EEPD1: variants seen among roughly 807,000 people sequenced by gnomAD.
EEPD1 encodes endonuclease/exonuclease/phosphatase family domain-containing protein 1.
In EEPD1, 17 loss-of-function variants were observed where a neutral mutation model predicts 46.3. That is an observed-to-expected ratio of 0.37 (90% CI 0.25 to 0.55). The LOEUF (loss-of-function observed/expected upper bound fraction) is 0.55, where lower values mean the gene tolerates loss of function less well. EEPD1 is among the 20% of genes least tolerant of loss of function. EEPD1 has a pLI of 0.83. For missense variants in EEPD1, 673 were observed against 745.6 expected, an observed-to-expected ratio of 0.90 and a Z score of 1.13; for synonymous variants, 313 against 315.6, an observed-to-expected ratio of 0.99 and a Z score of 0.09.
rs374219442 is a variant in EEPD1, at chr7:36,281,172, C to T, written c.988C>T (p.Arg330Trp). The T allele has an allele frequency of 8.7e-6, 14 of 1,614,134 alleles. No homozygotes were observed. The highest frequency in any genetic ancestry group is 6.7e-5 in the Admixed American group (4 of 60,018). ...CAACATCCGCAAGTGGAAGGGGCCCCGGGGATGCTGGAAGGCTGTTGTTGC... is the reference window on the plus strand; with the variant it reads ...CAACATCCGCAAGTGGAAGGGGCCCTGGGGATGCTGGAAGGCTGTTGTTGC... ...LPNIRKWKGP[R>W]GCWKAVVAEK... The change falls in exon 4 of 8, where the codon CGG (arginine) becomes TGG (tryptophan). Residue 330 changes from arginine (R) to tryptophan (W), a missense_variant. Arg to Trp is a moderately radical substitution (Grantham distance 101). Coordinates refer to ENST00000242108, the MANE Select transcript of EEPD1 (RefSeq NM_030636.3).
intron 2 of EEPD1, among the ~76,000 whole-genome samples, chr7:36,234,204 C>T (rs1786387650): frequency 6.6e-6 from 1 of 152,176 alleles, no homozygotes; most frequent in African/African-American, 2.4e-5. Flanking sequence ...CAGGTGTGAG[C>T]CACTGTGCCC....
chr7:36,172,036 A>G (rs989069694), intron 2 of EEPD1, among the ~76,000 whole-genome samples: 36 of 152,224 alleles, frequency 2.4e-4, no homozygotes, highest in Non-Finnish European at 7.3e-5. Flanking sequence ...TATAAATAAT[A>G]CTTGGGCCCT....
intron 6 of EEPD1, among the ~76,000 whole-genome samples, chr7:36,295,298 A>G (rs868482128): frequency 5.9e-5 from 9 of 152,362 alleles, no homozygotes; most frequent in Middle Eastern, 3.4e-3. Context: ...AAAAGGACGC[A>G]TGAGCCAACT....
chr7:36,163,973 A>G (rs185962519), intron 2 of EEPD1, among the ~76,000 whole-genome samples: 1 of 151,758 alleles, frequency 6.6e-6, no homozygotes, highest in African/African-American at 2.4e-5. Context: ...TCTAGGCTAG[A>G]TGCTTTCTTA....
At chr7:36,259,821 T>A (rs1786891497) in intron 3 of EEPD1, among the ~76,000 whole-genome samples, 1 of 152,212 alleles carries the variant, frequency 6.6e-6, no homozygotes, top group Admixed American at 6.5e-5. Flanking sequence ...GGGCCTATTA[T>A]CTTATATATT....
At chr7:36,236,306 G>A (rs1319455571) in intron 2 of EEPD1, among the ~76,000 whole-genome samples, 1 of 152,210 alleles carries the variant, frequency 6.6e-6, no homozygotes, top group Non-Finnish European at 1.5e-5. Flanking sequence ...AGGCGCGGGC[G>A]GAAGCGGCGC....
intron 2 of EEPD1, among the ~76,000 whole-genome samples, chr7:36,188,094 C>A (rs1026657129): frequency 5.9e-5 from 9 of 152,100 alleles, no homozygotes; most frequent in Non-Finnish European, 1.3e-4. Context: ...CTGTGCCTGG[C>A]CTGTGCTGGT....
chr7:36,198,431 AAAAG>A lies in EEPD1; in HGVS notation c.879-40550_879-40547del, dbSNP rs1210055667. On this transcript the variant is annotated intron_variant, in intron 2 of 7. Coordinates refer to ENST00000242108, the MANE Select transcript of EEPD1 (RefSeq NM_030636.3). ...TTAATAAACCAAAAAAAAAAAAAAA[AAAAG>A]AAATCTTTTAGCTCCATTATAATCT... Among the ~76,000 whole-genome samples, 272 of 150,836 alleles carry A rather than the reference AAAAG, an allele frequency of 1.8e-3. 1 individual carries two copies. Among genetic ancestry groups the A allele is most frequent in the African/African-American group, 6.2e-3 (254 of 41,178 alleles).
At chr7:36,257,908 T>C (rs956651074) in intron 3 of EEPD1, among the ~76,000 whole-genome samples, 1 of 152,230 alleles carries the variant, frequency 6.6e-6, no homozygotes, top group Non-Finnish European at 1.5e-5. Context: ...AGAGGCATTA[T>C]GGTTTTTTGA....
At chr7:36,218,104 T>G (rs1311089547) in intron 2 of EEPD1, among the ~76,000 whole-genome samples, 3 of 152,178 alleles carry the variant, frequency 2.0e-5, no homozygotes, top group Non-Finnish European at 4.4e-5. Flanking sequence ...GAAACGATAC[T>G]CTGATTGTTA....
intron 2 of EEPD1, among the ~76,000 whole-genome samples, chr7:36,209,207 C>T (rs1785878258): frequency 6.6e-6 from 1 of 152,188 alleles, no homozygotes; most frequent in Non-Finnish European, 1.5e-5. Flanking sequence ...GCTTTGATCC[C>T]ATGTCTGTTT....
chr7:36,222,139 A>G (rs775039945), intron 2 of EEPD1, among the ~76,000 whole-genome samples: 9 of 152,136 alleles, frequency 5.9e-5, no homozygotes, highest in Non-Finnish European at 1.3e-4. Context: ...GACTCCCCCA[A>G]AACATAAGTA....
At chr7:36,238,537 C>A (rs1409735000) in intron 2 of EEPD1, among the ~76,000 whole-genome samples, 1 of 152,126 alleles carries the variant, frequency 6.6e-6, no homozygotes, top group African/African-American at 2.4e-5. Flanking sequence ...AGTGTGTCTC[C>A]AAGGTTCATC....
chr7:36,252,829 C>CTATTT (rs1786772128), intron 3 of EEPD1, among the ~76,000 whole-genome samples: 1 of 54,850 alleles, frequency 1.8e-5, no homozygotes, highest in Non-Finnish European at 3.1e-5. Context: ...GTGTTCTCTC[C>CTATTT]TTTTTTTTTT....
intron 6 of EEPD1, among the ~76,000 whole-genome samples, chr7:36,289,447 G>T (rs1026530474): frequency 1.5e-4 from 23 of 152,132 alleles, no homozygotes; most frequent in African/African-American, 5.1e-4. Context: ...TTTGTGTCTG[G>T]CTTGTTTCAC....
chr7:36,258,252 G>C (rs1431561419), intron 3 of EEPD1, among the ~76,000 whole-genome samples: 2 of 152,160 alleles, frequency 1.3e-5, no homozygotes, highest in African/African-American at 4.8e-5. Flanking sequence ...TCCTGTATGA[G>C]GTGTCTGTCA....
chr7:36,287,492 A>C lies in EEPD1; in HGVS notation c.1177-147A>C, dbSNP rs766639678. 3.2e-6 allele frequency: 4 copies of C among 1,254,564 alleles called. No homozygotes were observed. The South Asian group carries it at 6.2e-5, about 19-fold the overall frequency. The allele number at this position is 1,254,564 out of a possible 1,614,324, so 77.7% of individuals were successfully genotyped here. On this transcript the variant is annotated intron_variant, in intron 5 of 7. Coordinates refer to ENST00000242108, the MANE Select transcript of EEPD1 (RefSeq NM_030636.3). The stretch of plus-strand genomic sequence containing the variant: ...GGAAAAATCGAAGATGAAAGACCTT[A>C]CATTATTTCCTGGGGGTGTGAGCCA...
At position 36,271,720 on chromosome 7, in the gene EEPD1, C is replaced by CTTCTAGGGTTTCT. The variant is rs60503175; in HGVS notation, c.931-9395_931-9394insTTCTAGGGTTTCT. The stretch of plus-strand genomic sequence containing the variant: ...TCCTGAATGGTATTGCCTAGGTTTT[C>CTTCTAGGGTTTCT]ATGGTTTTAGGTTTTACATTTAAGT... On this transcript the variant is annotated intron_variant, in intron 3 of 7. Coordinates refer to ENST00000242108, the MANE Select transcript of EEPD1 (RefSeq NM_030636.3). Among the ~76,000 whole-genome samples, 4 of 55,332 alleles carry CTTCTAGGGTTTCT rather than the reference C, an allele frequency of 7.2e-5. 1 individual carries two copies. Among genetic ancestry groups the CTTCTAGGGTTTCT allele is most frequent in the Non-Finnish European group, 1.2e-4 (3 of 25,002 alleles). The allele number at this position is 55,332 out of a possible 152,430, so 36.3% of individuals were successfully genotyped here.
intron 2 of EEPD1, among the ~76,000 whole-genome samples, chr7:36,156,528 G>A (rs1734206758): frequency 6.6e-6 from 1 of 152,174 alleles, no homozygotes; most frequent in Non-Finnish European, 1.5e-5. Flanking sequence ...AGCAGCATGG[G>A]CGTGTGAATG....
Sources: gnomAD v4.1 joint callset for allele counts (sites outside exome capture counted in the v4.1 genomes callset) on GRCh38, gnomAD v4.1.1 for gene constraint, MANE v1.5 for transcripts, NCBI Gene and HGNC (gene_info 2026-07-23, HGNC 2026-07-21) for gene names.